Variants in ARIH1 observed in about 807,000 individuals in gnomAD.
ARIH1 encodes the protein E3 ubiquitin-protein ligase ARIH1.
Under a neutral mutation model 85.0 loss-of-function variants are expected in ARIH1, and 8 were observed. The observed-to-expected ratio is 0.09, with a 90% CI of 0.06 to 0.17. The LOEUF (loss-of-function observed/expected upper bound fraction) is 0.17, where lower values mean the gene tolerates loss of function less well. ARIH1 is among the 10% of genes least tolerant of loss of function. The pLI is 1.00. For synonymous variants in ARIH1, 238 were observed against 253.6 expected, an observed-to-expected ratio of 0.94 and a Z score of 0.59; for missense variants, 311 against 718.1, an observed-to-expected ratio of 0.43 and a Z score of 6.48.
chr15:72,478,968 G>A (rs2063804758), intron 1 of ARIH1, among the ~76,000 whole-genome samples: 2 of 152,146 alleles, frequency 1.3e-5, no homozygotes, highest in African/African-American at 4.8e-5. Flanking sequence ...CTCCTGAGTA[G>A]CTAGGACTAT....
intron 4 of ARIH1, 78 bp downstream of exon 4, chr15:72,555,441 A>C: frequency 1.0e-6 from 1 of 985,184 alleles, no homozygotes; most frequent in Non-Finnish European, 1.6e-6. Flanking sequence ...TTGCACAAAT[A>C]AAAACAGGTG....
chr15:72,548,538 G>C (rs1486655975), intron 3 of ARIH1, among the ~76,000 whole-genome samples: 1 of 152,126 alleles, frequency 6.6e-6, no homozygotes, highest in Non-Finnish European at 1.5e-5. Flanking sequence ...GGATAAGATA[G>C]CAAAAGGAAC....
chr15:72,518,917 C>G (rs1374383073), intron 2 of ARIH1, among the ~76,000 whole-genome samples: 1 of 151,998 alleles, frequency 6.6e-6, no homozygotes, highest in South Asian at 2.1e-4. Flanking sequence ...TGGACTGGTT[C>G]TCTGGTTTCA....
At chr15:72,528,821 T>A (rs540027066) in intron 2 of ARIH1, among the ~76,000 whole-genome samples, 1 of 152,202 alleles carries the variant, frequency 6.6e-6, no homozygotes, top group Admixed American at 6.5e-5. Context: ...CACTGTACTC[T>A]AGCCTGAGTG....
chr15:72,545,958 C>T (rs1456588559), intron 3 of ARIH1, among the ~76,000 whole-genome samples: 1 of 152,170 alleles, frequency 6.6e-6, no homozygotes, highest in Non-Finnish European at 1.5e-5. Flanking sequence ...CTGTCTTGTT[C>T]ATATTCTCTG....
intron 6 of ARIH1, 64 bp from the exon 7 acceptor site, chr15:72,563,330 A>G: frequency 7.0e-7 from 1 of 1,433,770 alleles, no homozygotes; most frequent in Non-Finnish European, 9.8e-7. Context: ...AAGTTCTGGG[A>G]TTATAGGTGT....
chr15:72,558,159 A>G (rs1251070066), intron 5 of ARIH1, among the ~76,000 whole-genome samples: 2 of 152,258 alleles, frequency 1.3e-5, no homozygotes, highest in East Asian at 1.9e-4. Context: ...GATGTTGGCT[A>G]TGGGTTTGTC....
chr15:72,550,043 C>T (rs1362465845), intron 3 of ARIH1, among the ~76,000 whole-genome samples: 1 of 152,098 alleles, frequency 6.6e-6, no homozygotes, highest in African/African-American at 2.4e-5. Context: ...ATATGTTCCT[C>T]GAAAGCACAA....
chr15:72,575,524 T>C (rs10851857), intron 11 of ARIH1, among the ~76,000 whole-genome samples: 129,052 of 142,600 alleles, frequency 0.9, 59,698 homozygotes, highest in East Asian at 1. Context: ...GCACTCTAGC[T>C]CAAGCAACAG....
intron 1 of ARIH1, among the ~76,000 whole-genome samples, chr15:72,497,676 A>C (rs1179173966): frequency 6.6e-6 from 1 of 152,210 alleles, no homozygotes; most frequent in Non-Finnish European, 1.5e-5. Context: ...AGATATTTGC[A>C]TCATTTTCTA....
rs1567363789 is a variant in ARIH1 at position 72,587,427 on chromosome 15, G to A, written c.*4135G>A. ...TGTTGCAGTTTGCAACACAGTAGTT[G>A]AGAATAAGTGGTTTAGTATGATTTG... is the stretch of plus-strand genomic sequence containing the variant. On this transcript the variant is annotated 3_prime_UTR_variant, in exon 14 of 14. Coordinates refer to ENST00000379887, the MANE Select transcript of ARIH1 (RefSeq NM_005744.5). The A allele has an allele frequency of 5.9e-6, 2 of 338,324 alleles. No homozygotes were observed. The highest frequency in any genetic ancestry group is 1.2e-5 in the Non-Finnish European group (2 of 171,926). The allele number at this position is 338,324 out of a possible 1,614,324, so 21.0% of individuals were successfully genotyped here.
At chr15:72,570,453 A>G (rs2064238430) in intron 10 of ARIH1, 146 bp downstream of exon 10, 1 of 1,010,508 alleles carries the variant, frequency 9.9e-7, no homozygotes, top group Non-Finnish European at 1.4e-6. Context: ...AGTCTATGCA[A>G]GACATAGAGG....
At chr15:72,488,124 C>G (rs756707293) in intron 1 of ARIH1, among the ~76,000 whole-genome samples, 1 of 152,218 alleles carries the variant, frequency 6.6e-6, no homozygotes, top group African/African-American at 2.4e-5. Context: ...CAGCCTTGAA[C>G]TCCTGGGCTC....
intron 7 of ARIH1, among the ~76,000 whole-genome samples, chr15:72,564,360 A>C (rs1428410675): frequency 6.6e-6 from 1 of 152,190 alleles, no homozygotes; most frequent in Non-Finnish European, 1.5e-5. Context: ...CTGAGACCTC[A>C]TCATAATGGC....
At chr15:72,562,777 TG>T (rs1386192080) in intron 6 of ARIH1, among the ~76,000 whole-genome samples, 1 of 152,214 alleles carries the variant, frequency 6.6e-6, no homozygotes, top group East Asian at 1.9e-4. Context: ...AATAAATTAG[TG>T]GTTTTTAATG....
At position 72,591,219 on chromosome 15, in the gene ARIH1, C is replaced by CAAAAAAAA. The variant is rs972468873; in HGVS notation, c.*7944_*7951dup. 9.1e-5 allele frequency: 4 copies of CAAAAAAAA among 44,088 alleles called. No homozygotes were observed. Among genetic ancestry groups the CAAAAAAAA allele is most frequent in the Admixed American group, 2.3e-4 (1 of 4,262 alleles). 2.7% of individuals were successfully genotyped at this position (44,088 alleles called of 1,614,324 possible). On this transcript the variant is annotated 3_prime_UTR_variant, in exon 14 of 14. Transcript: ENST00000379887. Reference sequence around the variant, plus strand: ...CCTGGGCGACAGAGAGACTCTGTCTCAAAAAAAAAAAAAAAAAAAAAAAAG... The same window carrying CAAAAAAAA: ...CCTGGGCGACAGAGAGACTCTGTCTCAAAAAAAAAAAAAAAAAAAAAAAAAAAAAAAAG...
Position 72,591,943 on chromosome 15 carries a change from A to G in ARIH1, c.*8651A>G, listed in dbSNP as rs559589205. On this transcript the variant is annotated 3_prime_UTR_variant, in exon 14 of 14. Transcript: ENST00000379887. ...TGAGTGTCTACCTGCTTTGGAAAAG[A>G]TGTCTGCCATGGATAGGAAATGATT... The G allele has an allele frequency of 3.4e-4, 52 of 152,330 alleles. No individual in the cohort carries two copies. Among genetic ancestry groups the G allele is most frequent in the African/African-American group, 1.2e-3 (51 of 41,570 alleles). The allele number at this position is 152,330 out of a possible 1,614,324, so 9.4% of individuals were successfully genotyped here. A position where few individuals can be genotyped will look rare whatever the true frequency, so the allele number is the denominator to read the frequency against.
intron 3 of ARIH1, 71 bp from the exon 4 acceptor site, chr15:72,555,200 T>A: frequency 9.0e-7 from 1 of 1,116,920 alleles, no homozygotes. Context: ...TACAGAGCCC[T>A]GTTGAGTCAC....
At chr15:72,567,043 TA>T in intron 8 of ARIH1, 62 bp from the exon 9 acceptor site, 1 of 1,253,374 alleles carries the variant, frequency 8.0e-7, no homozygotes, top group Non-Finnish European at 1.1e-6. Context: ...AGTTAAGTGC[TA>T]AAGTAATTTG....
Sources: gnomAD v4.1 joint callset for allele counts (sites outside exome capture counted in the v4.1 genomes callset) on GRCh38, gnomAD v4.1.1 for gene constraint, MANE v1.5 for transcripts, NCBI Gene and HGNC (gene_info 2026-07-23, HGNC 2026-07-21) for gene names.